RABGAP1L: variants seen among roughly 807,000 people sequenced by gnomAD.
RABGAP1L encodes the protein RAB GTPase activating protein 1 like, also known as rab GTPase-activating protein 1-like.
A neutral mutation model predicts 137.7 loss-of-function variants in RABGAP1L; 63 were observed. The ratio of observed to expected loss-of-function variants is 0.46; its 90% CI spans 0.37 to 0.56. The LOEUF is 0.56. Ranked by LOEUF, RABGAP1L falls within the 20% of genes least tolerant of loss-of-function variation. RABGAP1L has a pLI of 0.00. For missense variants in RABGAP1L, 1,095 were observed against 1,244.0 expected (o/e 0.88, Z 1.80); for synonymous variants, 431 against 433.7 (o/e 0.99, Z 0.08).
intron 4 of RABGAP1L, among the ~76,000 whole-genome samples, chr1:174,236,457 T>C: frequency 7.0e-6 from 1 of 143,494 alleles, no homozygotes; most frequent in African/African-American, 2.6e-5. Flanking sequence ...CCAGAGATTC[T>C]GGTATGTTGT....
At chr1:174,371,806 C>T (rs916694950) in intron 12 of RABGAP1L, among the ~76,000 whole-genome samples, 2 of 152,104 alleles carry the variant, frequency 1.3e-5, no homozygotes, top group African/African-American at 4.8e-5. Context: ...CGGAATTTCA[C>T]AGTTCAGTAG....
intron 11 of RABGAP1L, among the ~76,000 whole-genome samples, chr1:174,338,131 T>A (rs1290882177): frequency 6.6e-6 from 1 of 152,178 alleles, no homozygotes; most frequent in Admixed American, 6.6e-5. Context: ...CATGCTTGAG[T>A]ATGATAGGGT....
intron 8 of RABGAP1L, among the ~76,000 whole-genome samples, chr1:174,272,930 A>C (rs1674679286): frequency 6.6e-6 from 1 of 152,010 alleles, no homozygotes; most frequent in Non-Finnish European, 1.5e-5. Flanking sequence ...AGCAAAGTAC[A>C]CTTATACTAG....
intron 11 of RABGAP1L, among the ~76,000 whole-genome samples, chr1:174,352,358 A>G (rs1408649013): frequency 3.3e-5 from 5 of 152,060 alleles, no homozygotes; most frequent in Non-Finnish European, 5.9e-5. Flanking sequence ...TTGAAAGACT[A>G]TGATTCATTC....
At chr1:174,211,572 A>G (rs1323501115) in intron 1 of RABGAP1L, among the ~76,000 whole-genome samples, 1 of 152,162 alleles carries the variant, frequency 6.6e-6, no homozygotes, top group Non-Finnish European at 1.5e-5. Flanking sequence ...GAAAGGAAAG[A>G]AGGAAGCAAA....
At chr1:174,688,598 A>T (rs753339899) in intron 15 of RABGAP1L, among the ~76,000 whole-genome samples, 8 of 152,156 alleles carry the variant, frequency 5.3e-5, no homozygotes, top group Non-Finnish European at 1.0e-4. Flanking sequence ...ATCAAAATAC[A>T]TGTATTACTT....
chr1:174,241,891 G>A (rs1671860090), intron 5 of RABGAP1L, among the ~76,000 whole-genome samples: 2 of 152,158 alleles, frequency 1.3e-5, no homozygotes, highest in South Asian at 2.1e-4. Flanking sequence ...AACTGGATGA[G>A]TTGCCTTTCC....
chr1:174,483,189 T>C lies in RABGAP1L; in HGVS notation c.1710+89044T>C, dbSNP rs1659287980. On this transcript the variant is annotated intron_variant, in intron 13 of 25. Coordinates refer to ENST00000681986, the MANE Select transcript of RABGAP1L (RefSeq NM_001366446.1). ...AATGTAGAATTTATTTTTGTTTTAC[T>C]ATAGTTACCCTGTTATGCTAGCAAA... 2.0e-5 allele frequency among the ~76,000 whole-genome samples: 3 copies of C among 152,222 alleles called. No individual in the cohort carries two copies. The South Asian group carries it at 6.2e-4, about 32-fold the overall frequency.
At chr1:174,582,983 G>A (rs976746951) in intron 13 of RABGAP1L, among the ~76,000 whole-genome samples, 1 of 152,102 alleles carries the variant, frequency 6.6e-6, no homozygotes, top group Admixed American at 6.6e-5. Flanking sequence ...TTCAAATTAT[G>A]TAAATCTCTA....
intron 13 of RABGAP1L, among the ~76,000 whole-genome samples, chr1:174,551,878 A>G (rs1666570020): frequency 1.3e-5 from 2 of 152,134 alleles, no homozygotes; most frequent in Non-Finnish European, 2.9e-5. Flanking sequence ...TGCAGCCATT[A>G]AAAAGTTAAC....
intron 19 of RABGAP1L, among the ~76,000 whole-genome samples, chr1:174,903,352 C>A (rs945768235): frequency 6.6e-6 from 1 of 152,134 alleles, no homozygotes; most frequent in African/African-American, 2.4e-5. Flanking sequence ...AATACATGAG[C>A]CTTTGTCTTC....
chr1:174,484,633 C>G (rs893948703), intron 13 of RABGAP1L, among the ~76,000 whole-genome samples: 2 of 152,292 alleles, frequency 1.3e-5, no homozygotes, highest in African/African-American at 4.8e-5. Flanking sequence ...TTCCCAACAA[C>G]ATTTATTGAA....
At position 174,909,979 on chromosome 1, in the gene RABGAP1L, A is replaced by T. The variant is rs145159255; in HGVS notation, c.2341-47478A>T. Among the ~76,000 whole-genome samples, 765 of 152,310 alleles carry T rather than the reference A, an allele frequency of 5.0e-3. 9 individuals carry two copies. Among genetic ancestry groups the T allele is most frequent in the African/African-American group, 0.017 (721 of 41,564 alleles). The stretch of plus-strand genomic sequence containing the variant: ...ACGGTGAAACCCCGTCTGTACTAAA[A>T]ATACAAAATATTAGCTGGGCATGGT... On this transcript the variant is annotated intron_variant, in intron 19 of 25. Transcript: ENST00000681986.
Position 174,537,520 on chromosome 1 carries a change from C to A in RABGAP1L, c.1711-99855C>A, listed in dbSNP as rs560381472. ...AATATCAAGTCTGGTCTGTATTTTC[C>A]CATCCTCTACAGGTAATCTCAGAAG... On this transcript the variant is annotated intron_variant, in intron 13 of 25. Transcript: ENST00000681986. Among the ~76,000 whole-genome samples, 5 of 152,246 alleles carry A rather than the reference C, an allele frequency of 3.3e-5. No homozygotes were observed. In the South Asian group the frequency reaches 1.0e-3, roughly 32 times the overall value.
In RABGAP1L at chr1:174,327,982, CACACATATAT is replaced by C. The variant is rs1308498630; in HGVS notation, c.1465+22857_1465+22866del. 2.7e-3 allele frequency among the ~76,000 whole-genome samples: 66 copies of C among 24,748 alleles called. 2 individuals carry two copies. Among genetic ancestry groups the C allele is most frequent in the Middle Eastern group, 0.071 (2 of 28 alleles). The allele number at this position is 24,748 out of a possible 152,430, so 16.2% of individuals were successfully genotyped here. A position where few individuals can be genotyped will look rare whatever the true frequency, so the allele number is the denominator to read the frequency against. ...ATATATATATATATATATATATACACACACATATATATATATATATATATATATATATATA... is the reference window on the plus strand; with the variant it reads ...ATATATATATATATATATATATACACATATATATATATATATATATATATA... On this transcript the variant is annotated intron_variant, in intron 11 of 25. Coordinates refer to ENST00000681986, the MANE Select transcript of RABGAP1L (RefSeq NM_001366446.1).
At position 174,610,083 on chromosome 1, in the gene RABGAP1L, T is replaced by G. The variant is rs556898060; in HGVS notation, c.1711-27292T>G. On this transcript the variant is annotated intron_variant, in intron 13 of 25. Coordinates refer to ENST00000681986, the MANE Select transcript of RABGAP1L (RefSeq NM_001366446.1). ...TTTTATTATTATTATATTTTAAGTT[T>G]TAGGGTACATGTGGACAATGTGCAG... 8.6e-5 allele frequency among the ~76,000 whole-genome samples: 13 copies of G among 151,544 alleles called. No individual in the cohort carries two copies. In the South Asian group the frequency reaches 2.5e-3, roughly 29 times the overall value.
chr1:174,359,322 T>A (rs1305211941), intron 11 of RABGAP1L, among the ~76,000 whole-genome samples: 2 of 152,216 alleles, frequency 1.3e-5, no homozygotes, highest in Non-Finnish European at 2.9e-5. Flanking sequence ...GAAATTTAAT[T>A]TACTTTTCTT....
Position 174,613,309 on chromosome 1 carries a change from T to C in RABGAP1L, c.1711-24066T>C, listed in dbSNP as rs535573224. Among the ~76,000 whole-genome samples the C allele has an allele frequency of 6.9e-3, 1,058 of 152,326 alleles. 10 individuals are homozygous for C. The highest frequency in any genetic ancestry group is 0.024 in the African/African-American group (977 of 41,570). On this transcript the variant is annotated intron_variant, in intron 13 of 25. Coordinates refer to ENST00000681986, the MANE Select transcript of RABGAP1L (RefSeq NM_001366446.1). ...ATCTTTATTTCTGCCTTCATTTTGT[T>C]ATGTACCCAGTAGTCATTCAGGAGC...
chr1:174,974,283 C>T (rs1282675294), intron 21 of RABGAP1L, among the ~76,000 whole-genome samples: 1 of 152,114 alleles, frequency 6.6e-6, no homozygotes, highest in Non-Finnish European at 1.5e-5. Flanking sequence ...AGCCACCGCA[C>T]CCGGCTGTAC....
Sources: gnomAD v4.1 joint callset for allele counts (sites outside exome capture counted in the v4.1 genomes callset) on GRCh38, gnomAD v4.1.1 for gene constraint, MANE v1.5 for transcripts, NCBI Gene and HGNC (gene_info 2026-07-23, HGNC 2026-07-21) for gene names.